DERA: variants seen among roughly 807,000 people sequenced by gnomAD.
DERA encodes deoxyribose-phosphate aldolase.
DERA carries 15 observed loss-of-function variants against 41.1 expected under a neutral mutation model. The ratio of observed to expected loss-of-function variants is 0.37; its 90% CI spans 0.24 to 0.56. The LOEUF is 0.56. DERA is among the 20% of genes least tolerant of loss of function. The probability of loss-of-function intolerance (pLI) is 0.81; values close to 1 mark genes in which losing one functional copy is unlikely to be tolerated. For missense variants in DERA, 396 were observed against 403.4 expected, an observed-to-expected ratio of 0.98 and a Z score of 0.16; for synonymous variants, 139 against 137.4, an observed-to-expected ratio of 1.01 and a Z score of -0.08.
chr12:16,020,786 G>A lies in DERA; in HGVS notation c.638-11756G>A, dbSNP rs1199544344. On this transcript the variant is annotated intron_variant, in intron 6 of 8. Coordinates refer to ENST00000428559, the MANE Select transcript of DERA (RefSeq NM_015954.4). This position sits in a 1 kb window ranked among gnomAD's most constrained non-coding sequence, Gnocchi z 5.5. ...GAGAACTGGAGTGAAGGTCACCCCT[G>A]TTATGTCCTAGTAAAGAACTTGGCT... Among the ~76,000 whole-genome samples, 1 of 152,188 alleles carries A rather than the reference G, an allele frequency of 6.6e-6. No homozygotes were observed. Among genetic ancestry groups the A allele is most frequent in the African/African-American group, 2.4e-5 (1 of 41,434 alleles).
intron 1 of DERA, among the ~76,000 whole-genome samples, chr12:15,929,651 C>T (rs1158416391): frequency 6.6e-6 from 1 of 152,106 alleles, no homozygotes; most frequent in Non-Finnish European, 1.5e-5. Context: ...TACCAGAGAT[C>T]TTGAGACTGT....
Position 15,985,591 on chromosome 12 carries a change from A to G in DERA, c.637+3155A>G, listed in dbSNP as rs200617353. Among the ~76,000 whole-genome samples the G allele has an allele frequency of 3.3e-5, 1 of 30,388 alleles. No homozygotes were observed. Among genetic ancestry groups the G allele is most frequent in the African/African-American group, 7.4e-5 (1 of 13,474 alleles). The allele number at this position is 30,388 out of a possible 152,430, so 19.9% of individuals were successfully genotyped here. Reference sequence around the variant, plus strand: ...GTTTTTTTTTCATTACTTTTCAGTGAAAGTTATTTTCTAATTTCCCTTGTG... The same window carrying G: ...GTTTTTTTTTCATTACTTTTCAGTGGAAGTTATTTTCTAATTTCCCTTGTG... On this transcript the variant is annotated intron_variant, in intron 6 of 8. Transcript: ENST00000428559. This position sits in a 1 kb window ranked among gnomAD's most constrained non-coding sequence, Gnocchi z 4.2.
chr12:15,927,202 T>A (rs1404021747), intron 1 of DERA, among the ~76,000 whole-genome samples: 1 of 152,202 alleles, frequency 6.6e-6, no homozygotes, highest in Non-Finnish European at 1.5e-5. Context: ...TATTTACTGA[T>A]TACTTAGAAC....
At chr12:15,916,375 T>C (rs905518117) in intron 1 of DERA, 3 of 152,166 alleles carry the variant, frequency 2.0e-5, no homozygotes, top group African/African-American at 7.2e-5. Context: ...TGCAGTTTTG[T>C]AAAACGTTAC....
In DERA at chr12:15,944,861, A is replaced by C. The variant is rs1188719744; in HGVS notation, c.32-12075A>C. Among the ~76,000 whole-genome samples, 3 of 152,238 alleles carry C rather than the reference A, an allele frequency of 2.0e-5. No homozygotes were observed. The East Asian group carries it at 5.8e-4, about 29-fold the overall frequency. ...TTTCTTCTAGGGTTTTTATGGTTTT[A>C]GGTCTAACATTTAAGTCTTTAATCC... is the stretch of plus-strand genomic sequence containing the variant. On this transcript the variant is annotated intron_variant, in intron 1 of 8. Transcript: ENST00000428559.
rs1034975189 is a variant in DERA, at chr12:15,972,468, T to A, written c.508+9521T>A. Reference sequence around the variant, plus strand: ...GCCCCCTTGCAATGCAGCTGTTTAATGTGCTCCTGGATGCAGTTGTCCACC... The same window carrying A: ...GCCCCCTTGCAATGCAGCTGTTTAAAGTGCTCCTGGATGCAGTTGTCCACC... On this transcript the variant is annotated intron_variant, in intron 5 of 8. Transcript: ENST00000428559. The surrounding 1 kb of genome is among the most constrained non-coding windows in gnomAD (Gnocchi z 4.4). 1.3e-5 allele frequency: 2 copies of A among 153,038 alleles called. No individual in the cohort carries two copies. Among genetic ancestry groups the A allele is most frequent in the African/African-American group, 4.8e-5 (2 of 41,466 alleles). 9.5% of individuals were successfully genotyped at this position (153,038 alleles called of 1,614,324 possible).
At position 16,023,010 on chromosome 12, in the gene DERA, G is replaced by A. The variant is rs114378865; in HGVS notation, c.638-9532G>A. Among the ~76,000 whole-genome samples, 899 of 152,202 alleles carry A rather than the reference G, an allele frequency of 5.9e-3. 8 individuals are homozygous for A. The highest frequency in any genetic ancestry group is 0.02 in the African/African-American group (832 of 41,518). On this transcript the variant is annotated intron_variant, in intron 6 of 8. Coordinates refer to ENST00000428559, the MANE Select transcript of DERA (RefSeq NM_015954.4). ...AGGACAAAATACTAAGTCTTTTCCC[G>A]CTTGAGAGAAGGGCATTTCCTCTCT... is the stretch of plus-strand genomic sequence containing the variant.
At chr12:15,925,822 CT>C (rs35956433) in intron 1 of DERA, among the ~76,000 whole-genome samples, 1,948 of 95,294 alleles carry the variant, frequency 0.02, 16 homozygotes, top group African/African-American at 0.072. Flanking sequence ...ACTCCTGAGG[CT>C]TTTTTTTTTT....
chr12:15,973,013 T>C (rs1169733697), intron 5 of DERA, among the ~76,000 whole-genome samples: 1 of 152,136 alleles, frequency 6.6e-6, no homozygotes, highest in Non-Finnish European at 1.5e-5. Flanking sequence ...CACACAGGCC[T>C]TTCTCATTGT....
In DERA at chr12:15,913,500, T is replaced by C. The variant is rs1028907327; in HGVS notation, c.31+2086T>C. Among the ~76,000 whole-genome samples the C allele has an allele frequency of 1.3e-5, 2 of 152,202 alleles. No individual in the cohort carries two copies. The highest frequency in any genetic ancestry group is 4.8e-5 in the African/African-American group (2 of 41,456). On this transcript the variant is annotated intron_variant, in intron 1 of 8. Transcript: ENST00000428559. This position sits in a 1 kb window ranked among gnomAD's most constrained non-coding sequence, Gnocchi z 4.5. ...TCTTTTTAATAAACATCGTAACTAA[T>C]TTCTAAAATAAATTAACATTTTTGC...
chr12:16,028,797 G>A (rs1367495535), intron 6 of DERA, among the ~76,000 whole-genome samples: 1 of 152,144 alleles, frequency 6.6e-6, no homozygotes, highest in Non-Finnish European at 1.5e-5. Context: ...GGGAGGGAGA[G>A]TATTTTGAGA....
intron 1 of DERA, among the ~76,000 whole-genome samples, chr12:15,947,266 A>G (rs1056168692): frequency 2.2e-4 from 33 of 152,158 alleles, no homozygotes; most frequent in African/African-American, 7.7e-4. Context: ...TATCCTTGTT[A>G]ACTTTCTGTC....
In DERA at chr12:15,940,690, A is replaced by G. The variant is rs577440982; in HGVS notation, c.32-16246A>G. 1.6e-4 allele frequency among the ~76,000 whole-genome samples: 25 copies of G among 152,336 alleles called. No individual in the cohort carries two copies. Among genetic ancestry groups the G allele is most frequent in the African/African-American group, 6.0e-4 (25 of 41,582 alleles). Reference sequence around the variant, plus strand: ...CACATTCACTAGAAAATTTAGATCTAAAAGTGAGCAATATTTAGAATAGTC... The same window carrying G: ...CACATTCACTAGAAAATTTAGATCTGAAAGTGAGCAATATTTAGAATAGTC... On this transcript the variant is annotated intron_variant, in intron 1 of 8. Transcript: ENST00000428559. The surrounding 1 kb of genome is among the most constrained non-coding windows in gnomAD (Gnocchi z 5.1).
Position 16,036,339 on chromosome 12 carries a change from T to C in DERA, c.858T>C (p.Phe286=). 1 of 1,613,570 alleles carries C rather than the reference T, an allele frequency of 6.2e-7. No individual in the cohort carries two copies. The highest frequency in any genetic ancestry group is 1.1e-5 in the South Asian group (1 of 91,012). Residue 286 remains phenylalanine (F), a synonymous_variant, in exon 8 of 9, where the codon TTT becomes TTC. Coordinates refer to ENST00000428559, the MANE Select transcript of DERA (RefSeq NM_015954.4). This position sits in a 1 kb window ranked among gnomAD's most constrained non-coding sequence, Gnocchi z 4.9. ...LGDEWLKPEL[F]RIGASTLLSD... is the part of the protein sequence containing the mutation. ...ATGAGTGGCTGAAGCCAGAACTCTT[T>C]CGAATAGGTGCCAGTACTCTGCTCT...
intron 1 of DERA, among the ~76,000 whole-genome samples, chr12:15,948,272 C>G (rs986837311): frequency 6.6e-6 from 1 of 152,216 alleles, no homozygotes; most frequent in Non-Finnish European, 1.5e-5. Context: ...TGGGGAAGTT[C>G]TCCTGGATAA....
Position 15,999,131 on chromosome 12 carries a change from C to A in DERA, c.637+16695C>A, listed in dbSNP as rs1948858623. ...GAGGGCTGGAGGGAAGACTGAGGCACTGTGGGAGCGAGGAGGAGGCCAATC... is the reference window on the plus strand; with the variant it reads ...GAGGGCTGGAGGGAAGACTGAGGCAATGTGGGAGCGAGGAGGAGGCCAATC... On this transcript the variant is annotated intron_variant, in intron 6 of 8. Coordinates refer to ENST00000428559, the MANE Select transcript of DERA (RefSeq NM_015954.4). The surrounding 1 kb of genome is among the most constrained non-coding windows in gnomAD (Gnocchi z 5.3). Among the ~76,000 whole-genome samples, 1 of 152,066 alleles carries A rather than the reference C, an allele frequency of 6.6e-6. No homozygotes were observed. Among genetic ancestry groups the A allele is most frequent in the South Asian group, 2.1e-4 (1 of 4,830 alleles).
rs752656657 is a variant in DERA, at chr12:16,036,661, T to C, written c.901-29T>C. ...CTGATGTGTATAATTATAGAATGAT[T>C]GTTAATTAAACTCTGCTTTTCCTCA... On this transcript the variant is annotated intron_variant, in intron 8 of 8. Coordinates refer to ENST00000428559, the MANE Select transcript of DERA (RefSeq NM_015954.4). The surrounding 1 kb of genome is among the most constrained non-coding windows in gnomAD (Gnocchi z 4.9). 1 of 1,515,488 alleles carries C rather than the reference T, an allele frequency of 6.6e-7. No individual in the cohort carries two copies. 93.9% of individuals were successfully genotyped at this position (1,515,488 alleles called of 1,614,324 possible). A position where few individuals can be genotyped will look rare whatever the true frequency, so the allele number is the denominator to read the frequency against.
chr12:15,951,938 G>A (rs546313094), intron 1 of DERA, among the ~76,000 whole-genome samples: 2 of 149,238 alleles, frequency 1.3e-5, no homozygotes, highest in Admixed American at 6.7e-5. Flanking sequence ...GTCTTGCTCT[G>A]TTGCCCAGGC....
At position 16,014,628 on chromosome 12, in the gene DERA, G is replaced by A. The variant is rs1948968335; in HGVS notation, c.638-17914G>A. Among the ~76,000 whole-genome samples the A allele has an allele frequency of 6.6e-6, 1 of 152,208 alleles. No homozygotes were observed. Among genetic ancestry groups the A allele is most frequent in the Non-Finnish European group, 1.5e-5 (1 of 68,030 alleles). On this transcript the variant is annotated intron_variant, in intron 6 of 8. Coordinates refer to ENST00000428559, the MANE Select transcript of DERA (RefSeq NM_015954.4). The surrounding 1 kb of genome is among the most constrained non-coding windows in gnomAD (Gnocchi z 5.4). Reference sequence around the variant, plus strand: ...CGTGGAGAACCTCTGCTAGGGCAGTGTGGAAGGGAAATGTGGGGTTGGAGT... The same window carrying A: ...CGTGGAGAACCTCTGCTAGGGCAGTATGGAAGGGAAATGTGGGGTTGGAGT...
Sources: gnomAD v4.1 joint callset for allele counts (sites outside exome capture counted in the v4.1 genomes callset) on GRCh38, gnomAD v4.1.1 for gene constraint, Gnocchi (gnomAD v3.1) non-coding constraint, MANE v1.5 for transcripts, NCBI Gene and HGNC (gene_info 2026-07-23, HGNC 2026-07-21) for gene names.